The following TAS2R1 variants were observed in gnomAD, a reference collection of about 807,000 sequenced individuals.
The protein encoded by TAS2R1 is taste 2 receptor member 1.
For synonymous variants in TAS2R1, 141 were observed against 134.2 expected (o/e 1.05, Z -0.35); for missense variants, 370 against 353.4 (o/e 1.05, Z -0.38).
the TAS2R1 span, among the ~76,000 whole-genome samples, chr5:9,900,086 G>T: frequency 6.6e-6 from 1 of 152,226 alleles, no homozygotes; most frequent in Non-Finnish European, 1.5e-5. Context: ...CAAGACAGAA[G>T]TAGGCAGAAT....
At chr5:9,669,620 T>C (rs1167699677) in intron 1 of TAS2R1, among the ~76,000 whole-genome samples, 3 of 152,028 alleles carry the variant, frequency 2.0e-5, no homozygotes, top group African/African-American at 7.2e-5. Context: ...CTGAAACCCA[T>C]ACAATTACAT....
At chr5:9,773,651 T>C in the TAS2R1 span, among the ~76,000 whole-genome samples, 3 of 152,162 alleles carry the variant, frequency 2.0e-5, no homozygotes, top group South Asian at 2.1e-4. Context: ...GGGAAAGTCT[T>C]TCTTTCTCTT....
the TAS2R1 span, among the ~76,000 whole-genome samples, chr5:9,846,887 A>T: frequency 6.6e-6 from 1 of 152,180 alleles, no homozygotes; most frequent in South Asian, 2.1e-4. Flanking sequence ...GTCTCCTTAC[A>T]CTTTCTTTTG....
At chr5:9,719,383 T>C in the TAS2R1 span, among the ~76,000 whole-genome samples, 1 of 152,192 alleles carries the variant, frequency 6.6e-6, no homozygotes, top group African/African-American at 2.4e-5. Context: ...TTCGGAGATG[T>C]AAAATTTGTT....
At chr5:9,660,149 C>T (rs1333520139) in intron 1 of TAS2R1, among the ~76,000 whole-genome samples, 3 of 149,182 alleles carry the variant, frequency 2.0e-5, no homozygotes, top group Middle Eastern at 6.4e-3. Context: ...AGCTCTGCCT[C>T]CTGGGTTCAT....
At chr5:9,884,835 A>G in the TAS2R1 span, among the ~76,000 whole-genome samples, 1 of 152,212 alleles carries the variant, frequency 6.6e-6, no homozygotes, top group African/African-American at 2.4e-5. Flanking sequence ...AAAAATAATC[A>G]TCTCTTTTTA....
At chr5:9,819,397 A>G in the TAS2R1 span, among the ~76,000 whole-genome samples, 1 of 152,200 alleles carries the variant, frequency 6.6e-6, no homozygotes, top group African/African-American at 2.4e-5. Context: ...GGTTTCTGCA[A>G]CCTGGAAAAC....
chr5:9,661,778 C>T (rs778234938), intron 1 of TAS2R1, among the ~76,000 whole-genome samples: 9 of 152,120 alleles, frequency 5.9e-5, no homozygotes, highest in East Asian at 3.9e-4. Flanking sequence ...AGTGTGTGTA[C>T]GTAAATCATA....
At chr5:9,720,064 T>C in the TAS2R1 span, among the ~76,000 whole-genome samples, 1 of 152,190 alleles carries the variant, frequency 6.6e-6, no homozygotes, top group Admixed American at 6.5e-5. Context: ...TTTCCTAAGA[T>C]TCCTTATTTA....
the TAS2R1 span, among the ~76,000 whole-genome samples, chr5:9,775,299 G>A: frequency 2.6e-5 from 4 of 152,190 alleles, no homozygotes; most frequent in African/African-American, 4.8e-5. Flanking sequence ...GGTGAATGCT[G>A]TCAGGCCTGG....
the TAS2R1 span, among the ~76,000 whole-genome samples, chr5:9,866,885 G>A: frequency 1.3e-5 from 2 of 152,176 alleles, no homozygotes; most frequent in Non-Finnish European, 2.9e-5. Flanking sequence ...CATTGCCTGA[G>A]CAGCTCTTTG....
At chr5:9,645,008 G>T (rs1343237745) in intron 2 of TAS2R1, among the ~76,000 whole-genome samples, 1 of 152,086 alleles carries the variant, frequency 6.6e-6, no homozygotes, top group Non-Finnish European at 1.5e-5. Context: ...GATTATCTAT[G>T]TTATGCTGGA....
At chr5:9,780,870 G>A in the TAS2R1 span, among the ~76,000 whole-genome samples, 1 of 152,202 alleles carries the variant, frequency 6.6e-6, no homozygotes, top group Admixed American at 6.5e-5. Flanking sequence ...GTAGTTGCAG[G>A]TCTTAAGAGC....
upstream of TAS2R1, among the ~76,000 whole-genome samples, chr5:9,715,914 T>C (rs1734802004): frequency 6.6e-6 from 1 of 152,196 alleles, no homozygotes; most frequent in African/African-American, 2.4e-5. Context: ...CCTGTTTATA[T>C]ACTTCAGCCT....
At chr5:9,753,544 T>G in the TAS2R1 span, among the ~76,000 whole-genome samples, 12 of 152,178 alleles carry the variant, frequency 7.9e-5, no homozygotes, top group Non-Finnish European at 1.6e-4. Context: ...AGAAGCTCTT[T>G]AGTTTAATTA....
intron 1 of TAS2R1, among the ~76,000 whole-genome samples, chr5:9,688,809 C>T (rs1308995936): frequency 1.3e-5 from 2 of 152,096 alleles, no homozygotes; most frequent in South Asian, 2.1e-4. Context: ...CCCAGAAGCC[C>T]ACACACATGC....
At chr5:9,707,447 C>T (rs41472) in intron 1 of TAS2R1, among the ~76,000 whole-genome samples, 3 of 152,142 alleles carry the variant, frequency 2.0e-5, no homozygotes, top group Non-Finnish European at 2.9e-5. Context: ...GAAGAAAACA[C>T]ACAGCCAGAG....
the TAS2R1 span, among the ~76,000 whole-genome samples, chr5:9,776,446 C>T: frequency 6.6e-6 from 1 of 152,102 alleles, no homozygotes; most frequent in East Asian, 1.9e-4. Context: ...TATGAAGGTG[C>T]TTTTTTGTGT....
intron 1 of TAS2R1, among the ~76,000 whole-genome samples, chr5:9,669,732 C>T (rs1390476272): frequency 6.6e-6 from 1 of 151,986 alleles, no homozygotes; most frequent in Admixed American, 6.6e-5. Context: ...AGATACAGCA[C>T]ACTAGAATCT....
Sources: allele counts gnomAD v4.1 joint callset (sites outside exome capture counted in the v4.1 genomes callset), GRCh38; gene constraint gnomAD v4.1.1; transcripts MANE v1.5; gene names NCBI Gene and HGNC (gene_info 2026-07-23, HGNC 2026-07-21).